SLC6A17: variants seen among roughly 807,000 people sequenced by gnomAD.
SLC6A17 encodes the protein solute carrier family 6 member 17, also known as sodium-dependent neutral amino acid transporter SLC6A17.
In SLC6A17, 21 loss-of-function variants were observed where a neutral mutation model predicts 64.5. That is an observed-to-expected ratio of 0.33 (90% CI 0.23 to 0.47). The LOEUF (loss-of-function observed/expected upper bound fraction) is 0.47, where lower values mean the gene tolerates loss of function less well. Among genes scored for constraint, SLC6A17 ranks in the 20% least tolerant of loss-of-function variants. The pLI, the probability that SLC6A17 is intolerant of heterozygous loss-of-function variation, is 1.00. For synonymous variants in SLC6A17, 372 were observed against 399.5 expected (o/e 0.93, Z 0.82); for missense variants, 682 against 963.2 (o/e 0.71, Z 3.86).
chr1:110,170,213 A>G (rs1656182076), intron 2 of SLC6A17, among the ~76,000 whole-genome samples: 3 of 152,308 alleles, frequency 2.0e-5, no homozygotes, highest in African/African-American at 4.8e-5. Context: ...GGCTGGGCGC[A>G]GTGGCTCACA....
intron 9 of SLC6A17, 77 bp from the exon 10 acceptor site, chr1:110,195,509 C>A: frequency 6.4e-7 from 1 of 1,560,948 alleles, no homozygotes; most frequent in South Asian, 1.2e-5. Context: ...TGGGAGGGGC[C>A]TGGGTGCCCC....
At chr1:110,181,483 G>C (rs1367284307) in intron 6 of SLC6A17, among the ~76,000 whole-genome samples, 4 of 152,196 alleles carry the variant, frequency 2.6e-5, no homozygotes, top group Non-Finnish European at 5.9e-5. Context: ...CCGAGTCACG[G>C]GATCCAGCAG....
At chr1:110,182,743 G>A (rs1258914502) in intron 6 of SLC6A17, among the ~76,000 whole-genome samples, 1 of 152,032 alleles carries the variant, frequency 6.6e-6, no homozygotes, top group Non-Finnish European at 1.5e-5. Flanking sequence ...AGGTGATGAG[G>A]TCTGAGAATT....
At chr1:110,162,771 T>G (rs1031059583) in intron 1 of SLC6A17, among the ~76,000 whole-genome samples, 1 of 152,066 alleles carries the variant, frequency 6.6e-6, no homozygotes, top group Non-Finnish European at 1.5e-5. Flanking sequence ...ATGAATTGAA[T>G]GAGAGCTGAA....
At chr1:110,182,584 G>C (rs891383192) in intron 6 of SLC6A17, among the ~76,000 whole-genome samples, 2 of 151,302 alleles carry the variant, frequency 1.3e-5, no homozygotes, top group African/African-American at 4.9e-5. Flanking sequence ...CGGGATAGCT[G>C]TGGGTGGGCG....
rs201061830 is a variant in SLC6A17 at position 110,197,590 on chromosome 1, C to T, written c.1806C>T (p.Ile602=). The change falls in exon 11 of 12, where the codon ATC becomes ATT. Residue 602 remains isoleucine, a synonymous_variant. Coordinates refer to ENST00000331565, the MANE Select transcript of SLC6A17 (RefSeq NM_001010898.4). ...CGCCCCCGGGCTACAGCGCCTGGAT[C>T]AAGGAGGAGGTGAGGGGTGGGGCCC... ...GVTPPGYSAW[I]KEEAAERYLY... 144 of 1,599,362 alleles carry T rather than the reference C, an allele frequency of 9.0e-5. 1 individual carries two copies. In the South Asian group the frequency reaches 1.6e-3, roughly 17 times the overall value.
At chr1:110,156,923 T>C (rs1198515997) in intron 1 of SLC6A17, among the ~76,000 whole-genome samples, 1 of 152,258 alleles carries the variant, frequency 6.6e-6, no homozygotes, top group East Asian at 1.9e-4. Context: ...CAACAGAAAA[T>C]AGTGGTTTTA....
chr1:110,191,719 T>C (rs576153732), intron 6 of SLC6A17, among the ~76,000 whole-genome samples: 32 of 152,344 alleles, frequency 2.1e-4, no homozygotes, highest in African/African-American at 6.5e-4. Flanking sequence ...TAAATTACTA[T>C]GTAAGCACTC....
Position 110,192,879 on chromosome 1 carries a change from G to A in SLC6A17, c.1299+181G>A, listed in dbSNP as rs759397400. ...AAGAAAGGTATTGGCCAAAGTCCCT[G>A]CCCAGAGGTAGGCTTGAGCCTAGAC... On this transcript the variant is annotated intron_variant, in intron 8 of 11. Coordinates refer to ENST00000331565, the MANE Select transcript of SLC6A17 (RefSeq NM_001010898.4). The surrounding 1 kb of genome is among the most constrained non-coding windows in gnomAD (Gnocchi z 4.3). Among the ~76,000 whole-genome samples, 2 of 152,208 alleles carry A rather than the reference G, an allele frequency of 1.3e-5. No individual in the cohort carries two copies. Among genetic ancestry groups the A allele is most frequent in the Non-Finnish European group, 2.9e-5 (2 of 68,030 alleles).
chr1:110,192,546 C>T lies in SLC6A17; in HGVS notation c.1147C>T (p.Leu383=). Residue 383 remains leucine, a synonymous_variant, in exon 8 of 12, where the codon CTG becomes TTG. Transcript: ENST00000331565. The surrounding 1 kb of genome is among the most constrained non-coding windows in gnomAD (Gnocchi z 4.3). ...CCTAGGGTACCTTAACACCAACGTC[C>T]TGAGCCGGGACCTCATCCCACCCCA... ...KILGYLNTNV[L]SRDLIPPHVN... 6.2e-7 allele frequency: 1 copy of T among 1,614,158 alleles called. No homozygotes were observed. The highest frequency in any genetic ancestry group is 8.5e-7 in the Non-Finnish European group (1 of 1,180,008).
At chr1:110,164,761 A>G (rs935919356) in intron 1 of SLC6A17, among the ~76,000 whole-genome samples, 2 of 152,112 alleles carry the variant, frequency 1.3e-5, no homozygotes, top group Admixed American at 1.3e-4. Flanking sequence ...TTTTAAAATG[A>G]TGCTTTTTTC....
At chr1:110,159,500 GA>G (rs1655845556) in intron 1 of SLC6A17, among the ~76,000 whole-genome samples, 1 of 152,156 alleles carries the variant, frequency 6.6e-6, no homozygotes, top group Non-Finnish European at 1.5e-5. Flanking sequence ...AATGCAACAG[GA>G]AAGTAAGAAA....
At chr1:110,160,778 GC>G (rs1354491488) in intron 1 of SLC6A17, among the ~76,000 whole-genome samples, 1 of 152,174 alleles carries the variant, frequency 6.6e-6, no homozygotes, top group African/African-American at 2.4e-5. Flanking sequence ...GGAAGCCGAG[GC>G]CCGGGAGATA....
chr1:110,172,187 C>G lies in SLC6A17; in HGVS notation c.414C>G (p.Arg138=). The part of the protein sequence containing the change: ...SIGVWHYICP[R]LGGIGFSSCI... ...GTGTGTGGCACTATATATGTCCCCG[C>G]CTGGGGGGCATCGGCTTCTCCAGCT... Residue 138 remains arginine (R), a synonymous_variant, in exon 3 of 12, where the codon CGC becomes CGG. Transcript: ENST00000331565. The G allele has an allele frequency of 6.2e-7, 1 of 1,605,254 alleles. No homozygotes were observed. The highest frequency in any genetic ancestry group is 8.5e-7 in the Non-Finnish European group (1 of 1,176,012).
At chr1:110,174,654 G>A in intron 4 of SLC6A17, 125 bp from the exon 5 acceptor site, 1 of 1,197,468 alleles carries the variant, frequency 8.4e-7, no homozygotes, top group Non-Finnish European at 1.2e-6. Flanking sequence ...GATGAGCACA[G>A]CCCCTCCCAG....
chr1:110,197,308 T>C, intron 10 of SLC6A17, 129 bp from the exon 11 acceptor site: 2 of 1,237,486 alleles, frequency 1.6e-6, no homozygotes, highest in South Asian at 1.5e-5. Flanking sequence ...GAGCACTGAA[T>C]GTGAAGAATA....
intron 10 of SLC6A17, among the ~76,000 whole-genome samples, chr1:110,196,485 G>A (rs1320779768): frequency 6.6e-6 from 1 of 152,136 alleles, no homozygotes; most frequent in South Asian, 2.1e-4. Flanking sequence ...CAGGGAGTGG[G>A]GGGAAGGACA....
intron 1 of SLC6A17, among the ~76,000 whole-genome samples, chr1:110,156,205 A>T (rs976016253): frequency 6.6e-6 from 1 of 152,172 alleles, no homozygotes; most frequent in African/African-American, 2.4e-5. Flanking sequence ...ATTGCTTTAT[A>T]TTGTGAGTTT....
rs1210874428 is a variant in SLC6A17 at position 110,167,153 on chromosome 1, G to C, written c.224G>C (p.Gly75Ala). ...CTGCAGTACATCCTGGCCCAGATTG[G>C]CTTCTCTGTGGGCCTCGGCAACATC... ...SKLQYILAQI[G>A]FSVGLGNIWR... The change falls in exon 2 of 12, where the codon GGC becomes GCC. Residue 75 changes from glycine (G) to alanine (A), a missense_variant. By Grantham distance (60) the Gly-to-Ala change is moderately conservative. This residue lies in a region of SLC6A17 where 415 missense variants were observed against 603.8 expected (regional missense o/e 0.69). Coordinates refer to ENST00000331565, the MANE Select transcript of SLC6A17 (RefSeq NM_001010898.4). 3.7e-6 allele frequency: 6 copies of C among 1,613,678 alleles called. No individual in the cohort carries two copies. The African/African-American group carries it at 8.0e-5, about 22-fold the overall frequency.
Sources: gnomAD v4.1 joint callset for allele counts (sites outside exome capture counted in the v4.1 genomes callset) on GRCh38, gnomAD v4.1.1 for gene constraint, gnomAD v4.1.1 regional missense constraint, Gnocchi (gnomAD v3.1) non-coding constraint, MANE v1.5 for transcripts, NCBI Gene and HGNC (gene_info 2026-07-23, HGNC 2026-07-21) for gene names.